Variants in CENATAC observed in about 807,000 individuals in gnomAD.
The protein encoded by CENATAC is coiled-coil domain containing 84.
In CENATAC, 53 loss-of-function variants were observed where a neutral mutation model predicts 53.7. The observed-to-expected ratio is 0.99, with a 90% CI of 0.79 to 1.24. The LOEUF (loss-of-function observed/expected upper bound fraction) is 1.24, where lower values mean the gene tolerates loss of function less well. Among genes scored for constraint, CENATAC ranks in the 50% most tolerant of loss-of-function variants. The probability of loss-of-function intolerance (pLI) is 0.00; values close to 1 mark genes in which losing one functional copy is unlikely to be tolerated. For synonymous variants in CENATAC, 156 were observed against 144.6 expected (o/e 1.08, Z -0.57); for missense variants, 474 against 417.8 (o/e 1.13, Z -1.17).
intron 3 of CENATAC, among the ~76,000 whole-genome samples, chr11:119,006,364 G>A (rs1476884037): frequency 6.7e-6 from 1 of 149,820 alleles, no homozygotes; most frequent in African/African-American, 2.5e-5. Flanking sequence ...GCCTCCCTGA[G>A]TAGCTGGGAC....
intron 1 of CENATAC, 43 bp from the exon 2 acceptor site, chr11:118,998,387 T>G (rs782098681): frequency 6.2e-7 from 1 of 1,612,262 alleles, no homozygotes; most frequent in Non-Finnish European, 8.5e-7. Flanking sequence ...CGGGTGTGAT[T>G]TGGGGGTCCC....
rs1409815291 is a variant in CENATAC at position 119,010,770 on chromosome 11, GA to G, written c.393del (p.Lys131AsnfsTer4). On this transcript the variant is annotated frameshift_variant, in exon 4 of 11. Coordinates refer to ENST00000334418, the MANE Select transcript of CENATAC (RefSeq NM_198489.3). LOFTEE classifies it high-confidence loss of function. ...TTGCCCCTTTTCTTTTTAGATTCAAGAAATCCATGGTGAAAGGTTTGGATTC... is the reference window on the plus strand; with the variant it reads ...TTGCCCCTTTTCTTTTTAGATTCAAGAATCCATGGTGAAAGGTTTGGATTC... ...VTPQDYARFK[K>X]SMVKGLDSYE... The G allele has an allele frequency of 6.2e-7, 1 of 1,614,016 alleles. No homozygotes were observed. Among genetic ancestry groups the G allele is most frequent in the African/African-American group, 1.3e-5 (1 of 74,930 alleles).
intron 8 of CENATAC, chr11:119,014,296 C>G (rs1346072072): frequency 6.6e-6 from 1 of 152,204 alleles, no homozygotes; most frequent in African/African-American, 2.4e-5. Context: ...CTCAGAAGTC[C>G]AGACCTGGCC....
Position 119,012,262 on chromosome 11 carries a change from G to A in CENATAC, c.684+8G>A. ...ACATTCATTGGCCATCAGGTACAAAGGATAAGCAAGCCAGAAGAGGGCCAA... is the reference window on the plus strand; with the variant it reads ...ACATTCATTGGCCATCAGGTACAAAAGATAAGCAAGCCAGAAGAGGGCCAA... On this transcript the variant is annotated splice_region_variant and intron_variant, in intron 7 of 10. Transcript: ENST00000334418. 1 of 1,613,786 alleles carries A rather than the reference G, an allele frequency of 6.2e-7. No homozygotes were observed. The highest frequency in any genetic ancestry group is 1.7e-5 in the Admixed American group (1 of 59,976).
At position 118,998,193 on chromosome 11, in the gene CENATAC, G is replaced by A; in HGVS notation, c.-5G>A. On this transcript the variant is annotated 5_prime_UTR_variant, in exon 1 of 11. Transcript: ENST00000334418. ...CTGGTGGTGGTGATACCGGGTACCC[G>A]GGCTATGGCGCCGGCGCAGCGCTGC... The A allele has an allele frequency of 1.3e-6, 2 of 1,577,368 alleles. No homozygotes were observed. The highest frequency in any genetic ancestry group is 8.6e-7 in the Non-Finnish European group (1 of 1,163,700).
intron 7 of CENATAC, chr11:119,012,977 T>C (rs1321071349): frequency 4.9e-6 from 2 of 411,674 alleles, no homozygotes; most frequent in South Asian, 6.8e-5. Flanking sequence ...AAGGTTTTGC[T>C]CCCCTGGCAT....
rs558882581 is a variant in CENATAC at position 119,014,729 on chromosome 11, T to C, written c.716-265T>C. On this transcript the variant is annotated intron_variant, in intron 8 of 10. Coordinates refer to ENST00000334418, the MANE Select transcript of CENATAC (RefSeq NM_198489.3). ...TACAGGGGGATGTTTGGGGTCTAGA[T>C]TGTAATGGCTTCGCTCAAAAGTCAC... is the stretch of plus-strand genomic sequence containing the variant. 8 of 284,450 alleles carry C rather than the reference T, an allele frequency of 2.8e-5. No individual in the cohort carries two copies. The East Asian group carries it at 4.6e-4, about 16-fold the overall frequency. The allele number at this position is 284,450 out of a possible 1,614,324, so 17.6% of individuals were successfully genotyped here. A position where few individuals can be genotyped will look rare whatever the true frequency, so the allele number is the denominator to read the frequency against.
At chr11:119,004,099 C>T (rs1026682713) in intron 3 of CENATAC, among the ~76,000 whole-genome samples, 3 of 152,156 alleles carry the variant, frequency 2.0e-5, no homozygotes, top group African/African-American at 4.8e-5. Context: ...AATTAGATCA[C>T]GCTCTATGAT....
Position 118,998,601 on chromosome 11 carries a change from C to A in CENATAC, c.284+8C>A, listed in dbSNP as rs375787751. 1.3e-6 allele frequency: 2 copies of A among 1,556,114 alleles called. No individual in the cohort carries two copies. The highest frequency in any genetic ancestry group is 1.7e-6 in the Non-Finnish European group (2 of 1,149,320). On this transcript the variant is annotated splice_region_variant and intron_variant, in intron 2 of 10. Coordinates refer to ENST00000334418, the MANE Select transcript of CENATAC (RefSeq NM_198489.3). ...GCTGGAGCATCTGGCCAGGTGAGAG[C>A]CGAGCTAGGAGCCTGCTCCAGCACA... is the stretch of plus-strand genomic sequence containing the variant.
At chr11:119,006,063 A>G (rs1198110243) in intron 3 of CENATAC, 2 of 137,834 alleles carry the variant, frequency 1.5e-5, no homozygotes, top group Non-Finnish European at 3.0e-5. Context: ...CTTGGCCTTC[A>G]GAGTAGGCAG....
In CENATAC at chr11:118,999,072, A is replaced by T; in HGVS notation, c.346A>T (p.Lys116Ter). ...WWENKAEVQM[K>*]EKFLVTPQDY... ...GGAGAACAAAGCTGAGGTCCAGATG[A>T]AAGAGAAGTTTCTGGTCACTCCCCA... Residue 116 changes from lysine (K) to a stop codon, truncating the protein, a stop_gained, in exon 3 of 11, where the codon AAA becomes TAA. Coordinates refer to ENST00000334418, the MANE Select transcript of CENATAC (RefSeq NM_198489.3). LOFTEE classifies it high-confidence loss of function. 6.2e-7 allele frequency: 1 copy of T among 1,614,186 alleles called. No individual in the cohort carries two copies. The highest frequency in any genetic ancestry group is 8.5e-7 in the Non-Finnish European group (1 of 1,180,018).
intron 3 of CENATAC, among the ~76,000 whole-genome samples, chr11:118,999,818 A>G (rs1356455228): frequency 1.3e-5 from 2 of 151,802 alleles, no homozygotes; most frequent in African/African-American, 4.8e-5. Context: ...AATTTTTTGT[A>G]TTTTTAGTAG....
At chr11:118,999,698 A>G (rs1447563589) in intron 3 of CENATAC, among the ~76,000 whole-genome samples, 2 of 151,916 alleles carry the variant, frequency 1.3e-5, no homozygotes, top group Non-Finnish European at 2.9e-5. Context: ...GCTGGAGTGC[A>G]GTGGCGCGAT....
At position 119,003,337 on chromosome 11, in the gene CENATAC, C is replaced by A. The variant is rs1942415860; in HGVS notation, c.383+4228C>A. 9.4e-6 allele frequency: 5 copies of A among 534,078 alleles called. No homozygotes were observed. In the Admixed American group the frequency reaches 9.8e-5, roughly 10 times the overall value. The allele number at this position is 534,078 out of a possible 1,614,324, so 33.1% of individuals were successfully genotyped here. ...GCCAGAAGGCTAGTGATACGCGGAT[C>A]TTCTTTTTTTTGTGGCTGTGGACAC... On this transcript the variant is annotated intron_variant, in intron 3 of 10. Coordinates refer to ENST00000334418, the MANE Select transcript of CENATAC (RefSeq NM_198489.3).
intron 5 of CENATAC, 104 bp from the exon 6 acceptor site, chr11:119,011,835 A>G: frequency 1.1e-6 from 1 of 951,062 alleles, no homozygotes; most frequent in Admixed American, 2.0e-5. Flanking sequence ...TCCATATGCT[A>G]ATTTGTTTCC....
Position 119,012,234 on chromosome 11 carries a change from C to T in CENATAC, c.664C>T (p.Leu222=). 6.2e-7 allele frequency: 1 copy of T among 1,614,140 alleles called. No homozygotes were observed. The highest frequency in any genetic ancestry group is 8.5e-7 in the Non-Finnish European group (1 of 1,180,030). ...ELDWMETGPS[L]TFIGHQDIPG... The stretch of plus-strand genomic sequence containing the variant: ...TGACTGGATGGAGACAGGACCATCT[C>T]TGACATTCATTGGCCATCAGGTACA... The change falls in exon 7 of 11, where the codon CTG becomes TTG. Residue 222 remains leucine, a synonymous_variant. Transcript: ENST00000334418.
At position 118,999,010 on chromosome 11, in the gene CENATAC, G is replaced by T. The variant is rs1173042769; in HGVS notation, c.285-1G>T. The T allele has an allele frequency of 6.2e-7, 1 of 1,610,152 alleles. No individual in the cohort carries two copies. The highest frequency in any genetic ancestry group is 1.7e-5 in the Admixed American group (1 of 59,970). On this transcript the variant is annotated splice_acceptor_variant, in intron 2 of 10. Transcript: ENST00000334418. LOFTEE classifies it high-confidence loss of function. ...AGATTACTTATCCTCTCCATTTTCAGCCCAGAGCACAAGAAAGCAACCAAC... is the reference window on the plus strand; with the variant it reads ...AGATTACTTATCCTCTCCATTTTCATCCCAGAGCACAAGAAAGCAACCAAC...
At chr11:119,007,971 A>G (rs1197585609) in intron 3 of CENATAC, among the ~76,000 whole-genome samples, 1 of 152,204 alleles carries the variant, frequency 6.6e-6, no homozygotes, top group Admixed American at 6.6e-5. Flanking sequence ...TTCATACACC[A>G]AAAAGGACAA....
At chr11:119,010,694 C>A in intron 3 of CENATAC, 70 bp from the exon 4 acceptor site, 1 of 1,330,222 alleles carries the variant, frequency 7.5e-7, no homozygotes, top group Non-Finnish European at 1.1e-6. Context: ...AAAAAAATAT[C>A]TACTGAGGAG....
Sources: allele counts gnomAD v4.1 joint callset (sites outside exome capture counted in the v4.1 genomes callset), GRCh38; gene constraint gnomAD v4.1.1; transcripts MANE v1.5; gene names NCBI Gene and HGNC (gene_info 2026-07-23, HGNC 2026-07-21).